RBFOX1: variants seen among roughly 807,000 people sequenced by gnomAD.
RBFOX1 encodes the protein RNA binding protein fox-1 homolog 1.
RBFOX1 carries 8 observed loss-of-function variants against 57.7 expected under a neutral mutation model. The observed-to-expected ratio is 0.14, with a 90% confidence interval of 0.08 to 0.25. The LOEUF (loss-of-function observed/expected upper bound fraction) is 0.25. RBFOX1 is among the 10% of genes least tolerant of loss of function. RBFOX1 has a pLI of 1.00. For missense variants in RBFOX1, 611 were observed against 548.5 expected (o/e 1.11, Z -1.14); for synonymous variants, 326 against 222.4 (o/e 1.47, Z -4.15).
At chr16:5,250,351 A>G (rs1376535643) in intron 1 of RBFOX1, among the ~76,000 whole-genome samples, 1 of 152,042 alleles carries the variant, frequency 6.6e-6, no homozygotes, top group Non-Finnish European at 1.5e-5. Flanking sequence ...GGTTTACTGC[A>G]CCTATCAACC....
intron 4 of RBFOX1, among the ~76,000 whole-genome samples, chr16:7,446,964 C>T: frequency 6.6e-6 from 1 of 151,572 alleles, no homozygotes; most frequent in South Asian, 2.1e-4. Context: ...AGGTGCCCGC[C>T]ACCACACCTG....
intron 3 of RBFOX1, among the ~76,000 whole-genome samples, chr16:7,036,429 G>C (rs987773820): frequency 6.6e-6 from 1 of 152,000 alleles, no homozygotes; most frequent in Non-Finnish European, 1.5e-5. Context: ...AATTCAGGGC[G>C]GCCGGGCGTG....
intron 3 of RBFOX1, among the ~76,000 whole-genome samples, chr16:6,872,603 A>C (rs753212965): frequency 2.0e-5 from 3 of 152,136 alleles, no homozygotes; most frequent in African/African-American, 7.2e-5. Context: ...AAAACACCCA[A>C]TTAATGTGCA....
At chr16:6,787,885 G>A (rs2091048371) in intron 3 of RBFOX1, among the ~76,000 whole-genome samples, 1 of 152,168 alleles carries the variant, frequency 6.6e-6, no homozygotes, top group Non-Finnish European at 1.5e-5. Flanking sequence ...ATAGAGAGAA[G>A]TTTTAATATT....
Position 5,631,157 on chromosome 16 carries a change from G to A in RBFOX1, c.318+32196G>A, listed in dbSNP as rs192240322. Among the ~76,000 whole-genome samples, 237 of 152,322 alleles carry A rather than the reference G, an allele frequency of 1.6e-3. 2 individuals are homozygous for A. The highest frequency in any genetic ancestry group is 5.2e-3 in the African/African-American group (216 of 41,572). On this transcript the variant is annotated intron_variant, in intron 3 of 19. Coordinates refer to the RBFOX1 transcript ENST00000641259. ...GAAAACTCAACCGGTCATTGAGTAT[G>A]TCGGAATTTGCTCTGATGAAGGTGA...
intron 2 of RBFOX1, among the ~76,000 whole-genome samples, chr16:6,644,708 A>C (rs141984933): frequency 8.7e-4 from 132 of 152,298 alleles, no homozygotes; most frequent in African/African-American, 3.0e-3. Flanking sequence ...TAATCAATTT[A>C]GAGGTTTTCA....
At chr16:6,810,207 G>C (rs1159467696) in intron 3 of RBFOX1, among the ~76,000 whole-genome samples, 1 of 152,224 alleles carries the variant, frequency 6.6e-6, no homozygotes, top group East Asian at 1.9e-4. Context: ...TGGATTGTTA[G>C]CTATCCAGAA....
intron 3 of RBFOX1, among the ~76,000 whole-genome samples, chr16:6,806,804 A>AT (rs1567330713): frequency 1.9e-5 from 2 of 103,202 alleles, no homozygotes; most frequent in African/African-American, 3.9e-5. Context: ...TTATATATAT[A>AT]AATAAATATA....
chr16:6,891,219 C>G (rs2065335658), intron 3 of RBFOX1, among the ~76,000 whole-genome samples: 1 of 152,134 alleles, frequency 6.6e-6, no homozygotes, highest in Admixed American at 6.5e-5. Context: ...GTAGCAGCTA[C>G]AAATTATAGA....
intron 3 of RBFOX1, among the ~76,000 whole-genome samples, chr16:5,862,243 T>C (rs1007227019): frequency 6.6e-6 from 1 of 152,192 alleles, no homozygotes; most frequent in Non-Finnish European, 1.5e-5. Flanking sequence ...CTGCCACGGA[T>C]CCTCGTGTTT....
intron 5 of RBFOX1, among the ~76,000 whole-genome samples, chr16:7,541,600 A>T (rs1225034220): frequency 6.6e-6 from 1 of 152,146 alleles, no homozygotes; most frequent in African/African-American, 2.4e-5. Context: ...CACTGTATTC[A>T]TGTAGGTTTG....
intron 3 of RBFOX1, among the ~76,000 whole-genome samples, chr16:6,686,069 C>T (rs2059397599): frequency 6.6e-6 from 1 of 152,144 alleles, no homozygotes; most frequent in African/African-American, 2.4e-5. Flanking sequence ...CTGGGCCCAG[C>T]GCTGTGCTCA....
chr16:6,146,057 C>T (rs977290945), intron 1 of RBFOX1, among the ~76,000 whole-genome samples: 1 of 152,154 alleles, frequency 6.6e-6, no homozygotes, highest in Non-Finnish European at 1.5e-5. Context: ...AGCTAATTGG[C>T]TTTACATGGG....
intron 3 of RBFOX1, among the ~76,000 whole-genome samples, chr16:6,769,228 A>G (rs979125654): frequency 1.3e-5 from 2 of 152,158 alleles, no homozygotes; most frequent in African/African-American, 4.8e-5. Flanking sequence ...ATTTCCCTGC[A>G]CAAGTTCTTT....
chr16:6,457,527 C>A (rs1279562202), intron 2 of RBFOX1, among the ~76,000 whole-genome samples: 1 of 151,176 alleles, frequency 6.6e-6, no homozygotes, highest in Non-Finnish European at 1.5e-5. Flanking sequence ...TTCCAGGCAT[C>A]TTAACTATAA....
intron 13 of RBFOX1, among the ~76,000 whole-genome samples, chr16:7,672,638 C>T (rs928551968): frequency 6.6e-6 from 1 of 151,804 alleles, no homozygotes; most frequent in Non-Finnish European, 1.5e-5. Flanking sequence ...CTAAGGCAGG[C>T]AGATTGCTTG....
intron 2 of RBFOX1, among the ~76,000 whole-genome samples, chr16:5,508,371 G>C (rs2043450954): frequency 6.6e-6 from 1 of 152,200 alleles, no homozygotes; most frequent in African/African-American, 2.4e-5. Flanking sequence ...GCGGCCACTT[G>C]TTGCATCCCA....
At chr16:6,084,909 A>G (rs957073240) in intron 1 of RBFOX1, among the ~76,000 whole-genome samples, 1 of 152,182 alleles carries the variant, frequency 6.6e-6, no homozygotes, top group African/African-American at 2.4e-5. Context: ...CTCTGAGATG[A>G]TATCTCAGTT....
chr16:7,216,362 C>A (rs138062774), intron 4 of RBFOX1, among the ~76,000 whole-genome samples: 1 of 152,058 alleles, frequency 6.6e-6, no homozygotes, highest in African/African-American at 2.4e-5. Flanking sequence ...ATAATAATGG[C>A]ATCTACCCTA....
Sources: gnomAD v4.1 joint callset for allele counts (sites outside exome capture counted in the v4.1 genomes callset) on GRCh38, gnomAD v4.1.1 for gene constraint, MANE v1.5 for transcripts, NCBI Gene and HGNC (gene_info 2026-07-23, HGNC 2026-07-21) for gene names.